Variants in PTPRT observed in about 807,000 individuals in gnomAD.
PTPRT encodes protein tyrosine phosphatase receptor type T.
PTPRT carries 56 observed loss-of-function variants against 176.8 expected under a neutral mutation model. That is an observed-to-expected ratio of 0.32 (90% CI 0.26 to 0.40). PTPRT has a LOEUF of 0.40. PTPRT is among the 10% of genes least tolerant of loss of function. The probability of loss-of-function intolerance (pLI) is 1.00; values close to 1 mark genes in which losing one functional copy is unlikely to be tolerated. For synonymous variants in PTPRT, 783 were observed against 739.0 expected (o/e 1.06, Z -0.96); for missense variants, 1,540 against 1,908.2 (o/e 0.81, Z 3.60).
At chr20:42,839,306 TG>T (rs1210905584) in intron 2 of PTPRT, among the ~76,000 whole-genome samples, 1 of 144,482 alleles carries the variant, frequency 6.9e-6, no homozygotes, top group Middle Eastern at 3.3e-3. Context: ...GTGTTCACTC[TG>T]TTTTTTTTTT....
intron 1 of PTPRT, among the ~76,000 whole-genome samples, chr20:42,890,092 G>A (rs908995839): frequency 2.0e-5 from 3 of 152,122 alleles, no homozygotes; most frequent in Non-Finnish European, 4.4e-5. Flanking sequence ...ATCTGCACAA[G>A]GGGCTGAATG....
At chr20:42,758,844 C>T (rs769938788) in intron 5 of PTPRT, among the ~76,000 whole-genome samples, 7 of 152,210 alleles carry the variant, frequency 4.6e-5, no homozygotes, top group Non-Finnish European at 8.8e-5. Context: ...TTCGCTTGCC[C>T]GAATAAAAAC....
chr20:42,221,553 G>A (rs1380358519), intron 15 of PTPRT, among the ~76,000 whole-genome samples: 1 of 150,340 alleles, frequency 6.7e-6, no homozygotes, highest in African/African-American at 2.5e-5. Context: ...TTGAGACAGA[G>A]TCTTGCTCTG....
chr20:42,381,054 G>T (rs1397610069), intron 9 of PTPRT, among the ~76,000 whole-genome samples: 4 of 152,124 alleles, frequency 2.6e-5, no homozygotes, highest in Non-Finnish European at 5.9e-5. Flanking sequence ...GATCTCACGA[G>T]AACTCACTAT....
intron 1 of PTPRT, among the ~76,000 whole-genome samples, chr20:43,046,876 G>A (rs1986859902): frequency 6.6e-6 from 1 of 152,314 alleles, no homozygotes; most frequent in South Asian, 2.1e-4. Flanking sequence ...AGCAAAGTCA[G>A]AGAACTGAGA....
chr20:42,979,755 G>A (rs1025731331), intron 1 of PTPRT, among the ~76,000 whole-genome samples: 1 of 152,022 alleles, frequency 6.6e-6, no homozygotes, highest in Non-Finnish European at 1.5e-5. Context: ...GAACCCTAAA[G>A]CTGTGATTCT....
chr20:42,073,310 A>G lies in PTPRT; in HGVS notation c.*7569T>C. 1 of 189,184 alleles carries G rather than the reference A, an allele frequency of 5.3e-6. No homozygotes were observed. Among genetic ancestry groups the G allele is most frequent in the East Asian group, 8.5e-5 (1 of 11,796 alleles). The allele number at this position is 189,184 out of a possible 1,614,324, so 11.7% of individuals were successfully genotyped here. A position where few individuals can be genotyped will look rare whatever the true frequency, so the allele number is the denominator to read the frequency against. On this transcript the variant is annotated 3_prime_UTR_variant, in exon 31 of 31. Transcript: ENST00000373187. ...GTGAAAAGTGCTTTTGAGTATGATTACCAATATGGGTTAACCCGGATTTAC... is the reference window on the plus strand; with the variant it reads ...GTGAAAAGTGCTTTTGAGTATGATTGCCAATATGGGTTAACCCGGATTTAC...
chr20:42,940,917 T>A (rs969500539), intron 1 of PTPRT, among the ~76,000 whole-genome samples: 1 of 151,714 alleles, frequency 6.6e-6, no homozygotes, highest in Admixed American at 6.6e-5. Flanking sequence ...CCACCTCTAC[T>A]AAAAATACAA....
At chr20:42,485,418 T>C (rs1332177089) in intron 7 of PTPRT, among the ~76,000 whole-genome samples, 1 of 152,188 alleles carries the variant, frequency 6.6e-6, no homozygotes, top group Non-Finnish European at 1.5e-5. Context: ...TTCTAACACT[T>C]TACTTGTCCT....
At chr20:42,510,882 G>T (rs1239748805) in intron 7 of PTPRT, among the ~76,000 whole-genome samples, 1 of 152,128 alleles carries the variant, frequency 6.6e-6, no homozygotes, top group Non-Finnish European at 1.5e-5. Context: ...GGTTTGAATG[G>T]CCCCTCCAAA....
intron 2 of PTPRT, among the ~76,000 whole-genome samples, chr20:42,876,896 T>C (rs1263872030): frequency 6.6e-6 from 1 of 151,908 alleles, no homozygotes; most frequent in Non-Finnish European, 1.5e-5. Flanking sequence ...AGGTAAGCGC[T>C]GTGAGGGGAG....
At chr20:42,901,914 A>G (rs2079409853) in intron 1 of PTPRT, among the ~76,000 whole-genome samples, 3 of 152,226 alleles carry the variant, frequency 2.0e-5, no homozygotes, top group Admixed American at 2.0e-4. Flanking sequence ...TTGCCTACAT[A>G]TCATCTACGG....
At chr20:43,053,063 A>C (rs1249902516) in intron 1 of PTPRT, among the ~76,000 whole-genome samples, 1 of 152,232 alleles carries the variant, frequency 6.6e-6, no homozygotes, top group Non-Finnish European at 1.5e-5. Flanking sequence ...ACATAAAAAA[A>C]AAAAGGAGTG....
intron 1 of PTPRT, among the ~76,000 whole-genome samples, chr20:43,185,956 C>A (rs1239519415): frequency 2.0e-5 from 3 of 151,578 alleles, no homozygotes; most frequent in Non-Finnish European, 2.9e-5. Flanking sequence ...AACTAAAAAT[C>A]ATCACCAAAC....
At chr20:42,394,047 T>A (rs1183667839) in intron 9 of PTPRT, among the ~76,000 whole-genome samples, 1 of 151,624 alleles carries the variant, frequency 6.6e-6, no homozygotes. Context: ...CAGGTCTTTT[T>A]TTTTTTTTTT....
chr20:42,971,802 AG>A (rs1296571527), intron 1 of PTPRT, among the ~76,000 whole-genome samples: 1 of 152,116 alleles, frequency 6.6e-6, no homozygotes, highest in Non-Finnish European at 1.5e-5. Flanking sequence ...GGGCTAGAGC[AG>A]TCCTGCTTAC....
chr20:42,640,608 C>A (rs1039349739), intron 7 of PTPRT, among the ~76,000 whole-genome samples: 1 of 151,896 alleles, frequency 6.6e-6, no homozygotes, highest in South Asian at 2.1e-4. Flanking sequence ...AGGCTGGTCT[C>A]GAACTCCTGA....
chr20:42,797,699 T>G (rs1020964715), intron 2 of PTPRT, among the ~76,000 whole-genome samples: 1 of 152,146 alleles, frequency 6.6e-6, no homozygotes, highest in African/African-American at 2.4e-5. Context: ...CAGATAAGCT[T>G]GAGATGGGGA....
chr20:42,955,039 C>G (rs947094565), intron 1 of PTPRT, among the ~76,000 whole-genome samples: 1 of 152,024 alleles, frequency 6.6e-6, no homozygotes, highest in Non-Finnish European at 1.5e-5. Flanking sequence ...CACAGAAGCT[C>G]ATTCCCTATG....
Sources: gnomAD v4.1 joint callset for allele counts (sites outside exome capture counted in the v4.1 genomes callset) on GRCh38, gnomAD v4.1.1 for gene constraint, MANE v1.5 for transcripts, NCBI Gene and HGNC (gene_info 2026-07-23, HGNC 2026-07-21) for gene names.